SLCO1B3: variants seen among roughly 807,000 people sequenced by gnomAD.
SLCO1B3 encodes the protein solute carrier organic anion transporter family member 1B3.
Under a neutral mutation model 71.8 loss-of-function variants are expected in SLCO1B3, and 72 were observed. The observed-to-expected ratio is 1.00, with a 90% CI of 0.83 to 1.22. The LOEUF is 1.22. SLCO1B3 is among the 50% of genes most tolerant of loss of function. The pLI is 0.00. For synonymous variants in SLCO1B3, 298 were observed against 278.4 expected, an observed-to-expected ratio of 1.07 and a Z score of -0.70; for missense variants, 911 against 819.7, an observed-to-expected ratio of 1.11 and a Z score of -1.36.
intron 14 of SLCO1B3, among the ~76,000 whole-genome samples, chr12:20,900,737 C>T (rs1007345334): frequency 6.6e-6 from 1 of 152,118 alleles, no homozygotes; most frequent in African/African-American, 2.4e-5. Flanking sequence ...ATTGTGGGCT[C>T]TGATGGCACT....
At chr12:20,901,581 A>G in intron 15 of SLCO1B3, 114 bp downstream of exon 15, 1 of 582,538 alleles carries the variant, frequency 1.7e-6, no homozygotes, top group East Asian at 3.1e-5. Context: ...CATTTAGTGA[A>G]CAATTACTTT....
chr12:20,845,109 C>A, intron 3 of SLCO1B3: 1 of 428,672 alleles, frequency 2.3e-6, no homozygotes, highest in South Asian at 1.9e-5. Flanking sequence ...GTGATGGAAG[C>A]CATTTTATTA....
At chr12:20,819,191 C>A (rs1366817632) in intron 3 of SLCO1B3, among the ~76,000 whole-genome samples, 1 of 152,136 alleles carries the variant, frequency 6.6e-6, no homozygotes, top group Admixed American at 6.6e-5. Flanking sequence ...TGTAAGAATT[C>A]TGACCACATT....
At chr12:20,847,016 G>A (rs1431190920) in intron 3 of SLCO1B3, among the ~76,000 whole-genome samples, 1 of 152,040 alleles carries the variant, frequency 6.6e-6, no homozygotes, top group East Asian at 1.9e-4. Flanking sequence ...GAGAGCTGGA[G>A]GTTGGTAGTT....
chr12:20,902,068 G>C, intron 15 of SLCO1B3: 1 of 252,770 alleles, frequency 4.0e-6, no homozygotes, highest in Admixed American at 5.3e-5. Context: ...ACTCATAGTA[G>C]AATTTCTTTT....
At chr12:20,823,537 A>T (rs1864362056) in intron 3 of SLCO1B3, among the ~76,000 whole-genome samples, 1 of 152,210 alleles carries the variant, frequency 6.6e-6, no homozygotes, top group African/African-American at 2.4e-5. Context: ...TAGTAGGACC[A>T]ATTTATTGGT....
At chr12:20,858,126 C>A (rs887927705) in intron 4 of SLCO1B3, among the ~76,000 whole-genome samples, 1 of 152,020 alleles carries the variant, frequency 6.6e-6, no homozygotes, top group Non-Finnish European at 1.5e-5. Context: ...ATCTTTCCCT[C>A]AGATTAGGAA....
At position 20,858,476 on chromosome 12, in the gene SLCO1B3, A is replaced by C. The variant is rs374616195; in HGVS notation, c.264A>C (p.Gly88=). 4.1e-5 allele frequency: 66 copies of C among 1,595,320 alleles called. 1 individual carries two copies. Among genetic ancestry groups the C allele is most frequent in the East Asian group, 3.8e-4 (17 of 44,674 alleles). Residue 88 remains glycine (G), a synonymous_variant, in exon 5 of 16, where the codon GGA becomes GGC. Coordinates refer to ENST00000381545, the MANE Select transcript of SLCO1B3 (RefSeq NM_019844.4). ...LLVIVFVSYF[G]SKLHRPKLIG... ...TGATTGTATTTGTAAGTTACTTTGG[A>C]TCTAAACTACACAGACCGAAGTTAA...
intron 13 of SLCO1B3, among the ~76,000 whole-genome samples, chr12:20,897,306 A>G (rs934626824): frequency 4.6e-5 from 7 of 152,238 alleles, no homozygotes; most frequent in Non-Finnish European, 1.0e-4. Context: ...TTAAAATTTT[A>G]TAAGCGCTAT....
At chr12:20,872,689 A>G (rs1865496742) in intron 8 of SLCO1B3, among the ~76,000 whole-genome samples, 1 of 152,064 alleles carries the variant, frequency 6.6e-6, no homozygotes, top group Non-Finnish European at 1.5e-5. Flanking sequence ...CCTTCAAGGC[A>G]GTGGATTCCT....
intron 10 of SLCO1B3, 126 bp downstream of exon 10, chr12:20,878,062 C>G: frequency 1.7e-6 from 1 of 603,496 alleles, no homozygotes; most frequent in South Asian, 2.6e-5. Flanking sequence ...ATGTCTCAAA[C>G]TTTACAAAAT....
intron 15 of SLCO1B3, among the ~76,000 whole-genome samples, chr12:20,911,367 G>A (rs895225954): frequency 1.3e-5 from 2 of 152,032 alleles, no homozygotes; most frequent in African/African-American, 2.4e-5. Flanking sequence ...GAGAACTTCT[G>A]CACCTGTATT....
chr12:20,849,023 T>C (rs973725816), intron 3 of SLCO1B3, among the ~76,000 whole-genome samples: 3 of 151,926 alleles, frequency 2.0e-5, no homozygotes, highest in Non-Finnish European at 4.4e-5. Context: ...ACCACACCAA[T>C]AGAAGGTAAA....
At chr12:20,831,405 T>TAA (rs778025812) in intron 3 of SLCO1B3, among the ~76,000 whole-genome samples, 10 of 149,408 alleles carry the variant, frequency 6.7e-5, no homozygotes, top group Non-Finnish European at 1.3e-4. Flanking sequence ...TGAATAAGGT[T>TAA]AACATCATCG....
At chr12:20,837,233 C>T (rs1864703552) in intron 3 of SLCO1B3, among the ~76,000 whole-genome samples, 1 of 151,740 alleles carries the variant, frequency 6.6e-6, no homozygotes, top group African/African-American at 2.4e-5. Flanking sequence ...GGTTAGAAGC[C>T]TATAAATTTT....
intron 3 of SLCO1B3, among the ~76,000 whole-genome samples, chr12:20,850,736 T>G (rs1348064171): frequency 1.3e-5 from 2 of 152,218 alleles, no homozygotes; most frequent in Non-Finnish European, 2.9e-5. Flanking sequence ...TTGTTCACAC[T>G]TATAAGTGAG....
chr12:20,854,362 A>C (rs1329567532), intron 3 of SLCO1B3, among the ~76,000 whole-genome samples: 7 of 152,058 alleles, frequency 4.6e-5, no homozygotes, highest in Non-Finnish European at 1.0e-4. Flanking sequence ...TGTTTGTTTC[A>C]TATATCTCAT....
At chr12:20,864,105 C>T (rs919485282) in intron 8 of SLCO1B3, among the ~76,000 whole-genome samples, 2 of 152,088 alleles carry the variant, frequency 1.3e-5, no homozygotes, top group African/African-American at 2.4e-5. Flanking sequence ...TCTCACACTT[C>T]CCTTTATTTA....
chr12:20,885,914 A>G (rs1168025315), intron 13 of SLCO1B3, among the ~76,000 whole-genome samples: 3 of 152,082 alleles, frequency 2.0e-5, no homozygotes, highest in Admixed American at 6.6e-5. Context: ...CTGACTGTGC[A>G]TGACTTGTGT....
Sources: allele counts gnomAD v4.1 joint callset (sites outside exome capture counted in the v4.1 genomes callset), GRCh38; gene constraint gnomAD v4.1.1; transcripts MANE v1.5; gene names NCBI Gene and HGNC (gene_info 2026-07-23, HGNC 2026-07-21).